Variants in ZNF516 observed in about 807,000 individuals in gnomAD.
ZNF516 encodes the protein zinc finger protein 516.
ZNF516 carries 19 observed loss-of-function variants against 79.7 expected under a neutral mutation model. That is an observed-to-expected ratio of 0.24 (90% CI 0.17 to 0.35). The LOEUF is 0.35. Ranked by LOEUF, ZNF516 falls within the 10% of genes least tolerant of loss-of-function variation. The pLI is 1.00. For missense variants in ZNF516, 1,678 were observed against 1,679.5 expected (o/e 1.00, Z 0.02); for synonymous variants, 877 against 739.5 (o/e 1.19, Z -3.02).
Position 76,362,248 on chromosome 18 carries a change from T to G in ZNF516, c.*250A>C. 4 of 457,916 alleles carry G rather than the reference T, an allele frequency of 8.7e-6. No homozygotes were observed. The South Asian group carries it at 1.7e-4, about 19-fold the overall frequency. The allele number at this position is 457,916 out of a possible 1,614,324, so 28.4% of individuals were successfully genotyped here. A position where few individuals can be genotyped will look rare whatever the true frequency, so the allele number is the denominator to read the frequency against. ...GGACTATGGACGATGAGCACGTAAA[T>G]GCGTATATAGTATCTACATGTATTT... On this transcript the variant is annotated 3_prime_UTR_variant, in exon 7 of 7. Transcript: ENST00000443185.
At chr18:76,381,168 G>A (rs2074886788) in intron 3 of ZNF516, among the ~76,000 whole-genome samples, 1 of 152,250 alleles carries the variant, frequency 6.6e-6, no homozygotes, top group Non-Finnish European at 1.5e-5. Flanking sequence ...GAGAAACACA[G>A]CCGAGGTGTG....
Position 76,493,252 on chromosome 18 carries a change from A to G in ZNF516, c.-272+1892T>C. The G allele has an allele frequency of 2.2e-6, 2 of 922,902 alleles. No individual in the cohort carries two copies. Among genetic ancestry groups the G allele is most frequent in the South Asian group, 1.0e-4 (2 of 19,758 alleles). 57.2% of individuals were successfully genotyped at this position (922,902 alleles called of 1,614,324 possible). ...AATATATTTTGTACTTCCACAAAGG[A>G]TGGAAAGGGAAATTCACGAAGGGAG... On this transcript the variant is annotated intron_variant, in intron 1 of 6. Coordinates refer to ENST00000443185, the MANE Select transcript of ZNF516 (RefSeq NM_014643.4). This position sits in a 1 kb window ranked among gnomAD's most constrained non-coding sequence, Gnocchi z 5.2.
chr18:76,453,018 C>T (rs895168990), intron 2 of ZNF516, among the ~76,000 whole-genome samples: 1 of 152,140 alleles, frequency 6.6e-6, no homozygotes, highest in African/African-American at 2.4e-5. Flanking sequence ...TTTTGCTCTC[C>T]AAAATTATTG....
Position 76,440,761 on chromosome 18 carries a change from T to TGTGTGTGTGTGC in ZNF516, c.1810+483_1810+484insGCACACACACAC, listed in dbSNP as rs571461431. Among the ~76,000 whole-genome samples, 1,289 of 150,218 alleles carry TGTGTGTGTGTGC rather than the reference T, an allele frequency of 8.6e-3. 22 individuals carry two copies. Among genetic ancestry groups the TGTGTGTGTGTGC allele is most frequent in the African/African-American group, 0.026 (1,055 of 40,844 alleles). The stretch of plus-strand genomic sequence containing the variant: ...GTGTGTTTGTGTGTGTGTGTGTGTG[T>TGTGTGTGTGTGC]GCGCGCACGCGCGCATGCATCGTAT... On this transcript the variant is annotated intron_variant, in intron 3 of 6. Coordinates refer to ENST00000443185, the MANE Select transcript of ZNF516 (RefSeq NM_014643.4).
At chr18:76,466,818 G>C (rs906296861) in intron 1 of ZNF516, among the ~76,000 whole-genome samples, 2 of 152,236 alleles carry the variant, frequency 1.3e-5, no homozygotes, top group Non-Finnish European at 2.9e-5. Flanking sequence ...TGATGCAACA[G>C]GAGACAGGAT....
At position 76,406,975 on chromosome 18, in the gene ZNF516, A is replaced by G. The variant is rs142452562; in HGVS notation, c.1811-26672T>C. On this transcript the variant is annotated intron_variant, in intron 3 of 6. Coordinates refer to ENST00000443185, the MANE Select transcript of ZNF516 (RefSeq NM_014643.4). ...TATCTTAGATTTGCTAACCCGGGGC[A>G]CACAGTGCGTCTCCGTCCACTGTTG... Among the ~76,000 whole-genome samples the G allele has an allele frequency of 1.8e-3, 269 of 152,288 alleles. 1 individual carries two copies. Among genetic ancestry groups the G allele is most frequent in the African/African-American group, 6.0e-3 (249 of 41,558 alleles).
At chr18:76,371,945 C>A (rs565857840) in intron 4 of ZNF516, among the ~76,000 whole-genome samples, 2 of 152,198 alleles carry the variant, frequency 1.3e-5, no homozygotes, top group Non-Finnish European at 2.9e-5. Flanking sequence ...GTGACAGAGA[C>A]GAGGCTCATG....
At chr18:76,495,837 G>A, upstream of ZNF516, 1 of 838,454 alleles carries the variant, frequency 1.2e-6, no homozygotes, top group Non-Finnish European at 1.5e-6. Flanking sequence ...TCAACTTCCT[G>A]GTAAATGCCT....
intron 3 of ZNF516, among the ~76,000 whole-genome samples, chr18:76,428,402 A>G (rs1305074048): frequency 1.3e-5 from 2 of 152,142 alleles, no homozygotes; most frequent in Admixed American, 6.5e-5. Context: ...CAAAAAAAAA[A>G]AAAAAAAGAA....
At chr18:76,489,814 C>A (rs1304076419) in intron 1 of ZNF516, among the ~76,000 whole-genome samples, 1 of 152,096 alleles carries the variant, frequency 6.6e-6, no homozygotes, top group Non-Finnish European at 1.5e-5. Context: ...AAAGATTATT[C>A]TAATAAACAA....
At chr18:76,479,941 G>A (rs1392948118) in intron 1 of ZNF516, among the ~76,000 whole-genome samples, 2 of 152,184 alleles carry the variant, frequency 1.3e-5, no homozygotes, top group Non-Finnish European at 2.9e-5. Flanking sequence ...TTAAAGCAAT[G>A]TACCTTCCCC....
upstream of ZNF516, chr18:76,496,403 G>A (rs774283205): frequency 7.8e-7 from 1 of 1,289,698 alleles, no homozygotes; most frequent in East Asian, 5.6e-5. Context: ...TACCTCAGCG[G>A]CGGCGTCTCT....
At chr18:76,492,192 C>T in intron 1 of ZNF516, 2 of 985,432 alleles carry the variant, frequency 2.0e-6, no homozygotes, top group Non-Finnish European at 1.2e-6. Flanking sequence ...AGCAACCCCG[C>T]GGTGCTCCCG....
rs1239135425 is a variant in ZNF516, at chr18:76,360,640, A to ATATATATATATATATAT, written c.*1857_*1858insATATATATATATATATA. ...TATCAGAAAAAAATAAGTAAAAAAAAAAAAAAATATATATATATATATATA... is the reference window on the plus strand; with the variant it reads ...TATCAGAAAAAAATAAGTAAAAAAAATATATATATATATATATAAAAAAATATATATATATATATATA... On this transcript the variant is annotated 3_prime_UTR_variant, in exon 7 of 7. Coordinates refer to ENST00000443185, the MANE Select transcript of ZNF516 (RefSeq NM_014643.4). 9.3e-6 allele frequency: 1 copy of ATATATATATATATATAT among 107,508 alleles called. No individual in the cohort carries two copies. The highest frequency in any genetic ancestry group is 3.5e-5 in the African/African-American group (1 of 28,738). The allele number at this position is 107,508 out of a possible 1,614,324, so 6.7% of individuals were successfully genotyped here. A position where few individuals can be genotyped will look rare whatever the true frequency, so the allele number is the denominator to read the frequency against.
rs1231534217 is a variant in ZNF516 at position 76,379,523 on chromosome 18, G to A, written c.2591C>T (p.Pro864Leu). 7 of 1,613,666 alleles carry A rather than the reference G, an allele frequency of 4.3e-6. No individual in the cohort carries two copies. Among genetic ancestry groups the A allele is most frequent in the Non-Finnish European group, 5.9e-6 (7 of 1,179,910 alleles). The stretch of plus-strand genomic sequence containing the variant: ...TCCGGAATGGCTCTCCTTATTCTTA[G>A]GCATGCTAGCGGCTTTTGTGACCAC... ...LGVVTKAASM[P>L]KNKESHSGGP... The change falls in exon 4 of 7, where the codon CCT becomes CTT. Residue 864 changes from proline (P) to leucine (L), a missense_variant. Physicochemically the swap from Pro to Leu is moderately conservative, Grantham distance 98 (BLOSUM62 -3). Coordinates refer to ENST00000443185, the MANE Select transcript of ZNF516 (RefSeq NM_014643.4).
chr18:76,441,820 G>C lies in ZNF516; in HGVS notation c.1235C>G (p.Pro412Arg). The C allele has an allele frequency of 6.4e-7, 1 of 1,564,846 alleles. No individual in the cohort carries two copies. Among genetic ancestry groups the C allele is most frequent in the Non-Finnish European group, 8.6e-7 (1 of 1,162,244 alleles). ...QAGRRVAELD[P>R]VNSYQAWQLA... is the part of the protein sequence containing the mutation. ...CTGCCAGGCCTGGTAGCTGTTGACC[G>C]GGTCCAGCTCAGCCACCCGCCGTCC... Residue 412 changes from proline (P) to arginine (R), a missense_variant, in exon 3 of 7, where the codon CCG (proline) becomes CGG (arginine). Physicochemically the swap from Pro to Arg is moderately radical, Grantham distance 103 (BLOSUM62 -2). Coordinates refer to ENST00000443185, the MANE Select transcript of ZNF516 (RefSeq NM_014643.4).
At chr18:76,478,763 A>T (rs1177963447) in intron 1 of ZNF516, among the ~76,000 whole-genome samples, 1 of 152,166 alleles carries the variant, frequency 6.6e-6, no homozygotes, top group African/African-American at 2.4e-5. Context: ...CACTTAAGAG[A>T]TCCACTGTGG....
chr18:76,392,831 GAAGCC>G (rs200722684), intron 3 of ZNF516, among the ~76,000 whole-genome samples: 1 of 58,262 alleles, frequency 1.7e-5, no homozygotes, highest in Non-Finnish European at 3.0e-5. Flanking sequence ...AGTCAGGTGG[GAAGCC>G]GGGAAGGCAG....
intron 1 of ZNF516, among the ~76,000 whole-genome samples, chr18:76,490,441 C>A (rs955002399): frequency 1.3e-5 from 2 of 152,196 alleles, no homozygotes; most frequent in African/African-American, 4.8e-5. Flanking sequence ...AAAATGAGCT[C>A]TTTTTATTTT....
Sources: allele counts gnomAD v4.1 joint callset (sites outside exome capture counted in the v4.1 genomes callset), GRCh38; gene constraint gnomAD v4.1.1; non-coding constraint Gnocchi (gnomAD v3.1); transcripts MANE v1.5; gene names NCBI Gene and HGNC (gene_info 2026-07-23, HGNC 2026-07-21).